CBLB: variants seen among roughly 807,000 people sequenced by gnomAD.
CBLB encodes the protein E3 ubiquitin-protein ligase CBL-B.
CBLB carries 31 observed loss-of-function variants against 104.9 expected under a neutral mutation model. That is an observed-to-expected ratio of 0.30 (90% CI 0.22 to 0.40). CBLB has a LOEUF of 0.40. Ranked by LOEUF, CBLB falls within the 10% of genes least tolerant of loss-of-function variation. CBLB has a pLI of 1.00. For synonymous variants in CBLB, 440 were observed against 422.6 expected, an observed-to-expected ratio of 1.04 and a Z score of -0.51; for missense variants, 1,062 against 1,214.6, an observed-to-expected ratio of 0.87 and a Z score of 1.87.
intron 10 of CBLB, among the ~76,000 whole-genome samples, chr3:105,714,627 G>T (rs1368666094): frequency 6.6e-6 from 1 of 152,204 alleles, no homozygotes; most frequent in Non-Finnish European, 1.5e-5. Context: ...AATGCGAGCT[G>T]TGGGGAGTGG....
At chr3:105,705,763 T>C (rs902462598) in intron 10 of CBLB, among the ~76,000 whole-genome samples, 4 of 152,208 alleles carry the variant, frequency 2.6e-5, no homozygotes, top group Non-Finnish European at 4.4e-5. Flanking sequence ...TCCCATAGTA[T>C]ACTCTTTGCA....
chr3:105,792,033 C>A (rs2081710317), intron 3 of CBLB, among the ~76,000 whole-genome samples: 1 of 152,106 alleles, frequency 6.6e-6, no homozygotes, highest in African/African-American at 2.4e-5. Context: ...TAATGGCACT[C>A]AAAATTTGGT....
chr3:105,842,747 G>A (rs528560888), intron 3 of CBLB, among the ~76,000 whole-genome samples: 1 of 152,308 alleles, frequency 6.6e-6, no homozygotes, highest in Non-Finnish European at 1.5e-5. Flanking sequence ...GAAGGGAACA[G>A]AATGAAGATA....
At chr3:105,825,897 T>G (rs1267275368) in intron 3 of CBLB, among the ~76,000 whole-genome samples, 1 of 152,156 alleles carries the variant, frequency 6.6e-6, no homozygotes, top group Non-Finnish European at 1.5e-5. Context: ...ATTTTTATAC[T>G]CGTATTTCAT....
intron 9 of CBLB, among the ~76,000 whole-genome samples, chr3:105,724,545 T>C (rs561572282): frequency 2.2e-4 from 33 of 152,234 alleles, no homozygotes; most frequent in Middle Eastern, 3.4e-3. Context: ...TAAAGCTTTA[T>C]AAAGTGCTAT....
At chr3:105,705,719 T>G (rs1372711094) in intron 10 of CBLB, among the ~76,000 whole-genome samples, 1 of 152,240 alleles carries the variant, frequency 6.6e-6, no homozygotes, top group East Asian at 1.9e-4. Flanking sequence ...TTTATCAGAC[T>G]TCTTCACTGT....
chr3:105,851,265 G>A (rs192151890), intron 3 of CBLB, among the ~76,000 whole-genome samples: 1 of 152,160 alleles, frequency 6.6e-6, no homozygotes, highest in Admixed American at 6.5e-5. Flanking sequence ...ATTGTTAGGT[G>A]ACAGAAGCCA....
intron 4 of CBLB, among the ~76,000 whole-genome samples, chr3:105,759,562 T>C (rs139954609): frequency 7.1e-4 from 108 of 152,268 alleles, no homozygotes; most frequent in Middle Eastern, 3.4e-3. Context: ...TGCTCCTTGG[T>C]CCCAAAGTCT....
At chr3:105,765,342 G>GA (rs1219435068) in intron 4 of CBLB, among the ~76,000 whole-genome samples, 1 of 151,974 alleles carries the variant, frequency 6.6e-6, no homozygotes, top group Non-Finnish European at 1.5e-5. Context: ...GGTTGAAAAA[G>GA]AAAAAACAAA....
At chr3:105,743,010 G>A (rs1014756487) in intron 6 of CBLB, among the ~76,000 whole-genome samples, 1 of 152,112 alleles carries the variant, frequency 6.6e-6, no homozygotes, top group African/African-American at 2.4e-5. Context: ...TAAGAGCCAA[G>A]GGCATTTTAG....
chr3:105,711,257 C>T (rs536661992), intron 10 of CBLB, among the ~76,000 whole-genome samples: 8 of 151,876 alleles, frequency 5.3e-5, no homozygotes, highest in African/African-American at 1.2e-4. Flanking sequence ...AAGGTATATA[C>T]AGTTACTATA....
At chr3:105,786,067 G>GGGGT (rs1427686349) in intron 3 of CBLB, among the ~76,000 whole-genome samples, 12 of 102,780 alleles carry the variant, frequency 1.2e-4, no homozygotes, top group African/African-American at 4.0e-4. Context: ...GGATCGGGGG[G>GGGGT]GGGAAAGTGG....
chr3:105,746,453 C>T (rs910563614), intron 5 of CBLB, among the ~76,000 whole-genome samples: 2 of 152,174 alleles, frequency 1.3e-5, no homozygotes, highest in Admixed American at 1.3e-4. Flanking sequence ...CAGCAGTTCC[C>T]TTTTTTGTCT....
intron 4 of CBLB, among the ~76,000 whole-genome samples, chr3:105,767,519 C>T (rs574645787): frequency 4.0e-5 from 6 of 150,362 alleles, no homozygotes; most frequent in African/African-American, 7.3e-5. Context: ...ACCTTCATCT[C>T]GGGATACACA....
intron 7 of CBLB, among the ~76,000 whole-genome samples, chr3:105,739,833 A>C (rs1484096124): frequency 6.6e-6 from 1 of 152,182 alleles, no homozygotes; most frequent in Non-Finnish European, 1.5e-5. Flanking sequence ...GGCTGGGCAC[A>C]GTGGCTCATG....
At chr3:105,862,077 G>A (rs1468208966) in intron 2 of CBLB, among the ~76,000 whole-genome samples, 5 of 151,724 alleles carry the variant, frequency 3.3e-5, no homozygotes, top group Admixed American at 1.3e-4. Context: ...TCCTTCTCTG[G>A]TATTTAATTA....
intron 3 of CBLB, among the ~76,000 whole-genome samples, chr3:105,842,120 C>T (rs1028704477): frequency 1.3e-5 from 2 of 152,110 alleles, no homozygotes; most frequent in Non-Finnish European, 2.9e-5. Context: ...ATTCAGGGTC[C>T]TTAGGCTTGG....
At chr3:105,825,002 A>G (rs907980954) in intron 3 of CBLB, among the ~76,000 whole-genome samples, 1 of 152,156 alleles carries the variant, frequency 6.6e-6, no homozygotes, top group African/African-American at 2.4e-5. Flanking sequence ...CTCTCCTCCT[A>G]TCCTAGATTA....
At chr3:105,710,601 C>T (rs558424078) in intron 10 of CBLB, among the ~76,000 whole-genome samples, 1 of 152,020 alleles carries the variant, frequency 6.6e-6, no homozygotes, top group Non-Finnish European at 1.5e-5. Context: ...CTTTCCAAAT[C>T]CAAAGGCTGA....
Sources: gnomAD v4.1 joint callset for allele counts (sites outside exome capture counted in the v4.1 genomes callset) on GRCh38, gnomAD v4.1.1 for gene constraint, MANE v1.5 for transcripts, NCBI Gene and HGNC (gene_info 2026-07-23, HGNC 2026-07-21) for gene names.